KCTD16: variants seen among roughly 807,000 people sequenced by gnomAD.
KCTD16 encodes the protein BTB/POZ domain-containing protein KCTD16.
A neutral mutation model predicts 33.2 loss-of-function variants in KCTD16; 13 were observed. That is an observed-to-expected ratio of 0.39 (90% CI 0.25 to 0.62). The LOEUF is 0.62. Among genes scored for constraint, KCTD16 ranks in the 20% least tolerant of loss-of-function variants. The probability of loss-of-function intolerance (pLI) is 0.50; values close to 1 mark genes in which losing one functional copy is unlikely to be tolerated. For missense variants in KCTD16, 441 were observed against 525.1 expected (o/e 0.84, Z 1.57); for synonymous variants, 197 against 195.3 (o/e 1.01, Z -0.07).
intron 3 of KCTD16, among the ~76,000 whole-genome samples, chr5:144,403,006 C>A (rs1752736593): frequency 6.6e-6 from 1 of 152,166 alleles, no homozygotes; most frequent in Non-Finnish European, 1.5e-5. Context: ...GGGTTGCTGG[C>A]ATTTGTTGGT....
chr5:144,208,681 G>T (rs1446640744), intron 3 of KCTD16, among the ~76,000 whole-genome samples: 1 of 152,154 alleles, frequency 6.6e-6, no homozygotes, highest in African/African-American at 2.4e-5. Flanking sequence ...CCTTAGTTAT[G>T]TTTAATCATT....
rs1753175143 is a variant in KCTD16, at chr5:144,206,502, A to G, written c.-213A>G. 1 of 515,808 alleles carries G rather than the reference A, an allele frequency of 1.9e-6. No individual in the cohort carries two copies. The highest frequency in any genetic ancestry group is 3.4e-6 in the Non-Finnish European group (1 of 293,724). The allele number at this position is 515,808 out of a possible 1,614,324, so 32.0% of individuals were successfully genotyped here. A position where few individuals can be genotyped will look rare whatever the true frequency, so the allele number is the denominator to read the frequency against. ...AAGTAGCAGCTCACTACCATCCACC[A>G]TCCAGGGTTTAAACTACTTTTTCAG... On this transcript the variant is annotated 5_prime_UTR_variant, in exon 3 of 4. Transcript: ENST00000512467.
intron 3 of KCTD16, among the ~76,000 whole-genome samples, chr5:144,386,011 AT>A (rs1250122095): frequency 2.0e-5 from 3 of 152,108 alleles, no homozygotes; most frequent in African/African-American, 7.2e-5. Context: ...GATTTAAAAT[AT>A]TGTTCTTATG....
At chr5:144,391,726 A>C (rs1189380720) in intron 3 of KCTD16, among the ~76,000 whole-genome samples, 1 of 152,238 alleles carries the variant, frequency 6.6e-6, no homozygotes, top group East Asian at 1.9e-4. Flanking sequence ...AATGGATGAA[A>C]ATATTCTTTG....
chr5:144,242,143 A>T (rs754179008), intron 3 of KCTD16, among the ~76,000 whole-genome samples: 5 of 151,536 alleles, frequency 3.3e-5, no homozygotes, highest in Non-Finnish European at 7.4e-5. Flanking sequence ...TTTTAAGCTT[A>T]TTATTTTTAA....
In KCTD16 at chr5:144,483,164, A is replaced by G. The variant is rs955443249; in HGVS notation, c.*9050A>G. ...AAAAAAAAAAAAAAAACCAAACCAG[A>G]AAAAACCCAAAACACTACCAAATGA... On this transcript the variant is annotated 3_prime_UTR_variant, in exon 4 of 4. Transcript: ENST00000512467. 1.3e-5 allele frequency: 2 copies of G among 150,876 alleles called. No individual in the cohort carries two copies. The highest frequency in any genetic ancestry group is 4.8e-5 in the African/African-American group (2 of 41,238). The allele number at this position is 150,876 out of a possible 1,614,324, so 9.3% of individuals were successfully genotyped here. A position where few individuals can be genotyped will look rare whatever the true frequency, so the allele number is the denominator to read the frequency against.
intron 3 of KCTD16, among the ~76,000 whole-genome samples, chr5:144,420,653 A>T (rs551707566): frequency 6.6e-6 from 1 of 152,170 alleles, no homozygotes; most frequent in East Asian, 1.9e-4. Context: ...AACTGCTTTT[A>T]ATTTTCATTT....
chr5:144,367,068 C>G (rs966401711), intron 3 of KCTD16, among the ~76,000 whole-genome samples: 7 of 152,178 alleles, frequency 4.6e-5, no homozygotes, highest in South Asian at 2.1e-4. Flanking sequence ...ATCAGGAGCC[C>G]AATCACAGTT....
At chr5:144,417,880 C>G (rs1377005300) in intron 3 of KCTD16, among the ~76,000 whole-genome samples, 2 of 152,068 alleles carry the variant, frequency 1.3e-5, no homozygotes, top group East Asian at 1.9e-4. Flanking sequence ...CCTGTGGATT[C>G]CTGGTCTTGC....
intron 3 of KCTD16, among the ~76,000 whole-genome samples, chr5:144,386,367 T>A (rs963285099): frequency 1.3e-5 from 2 of 152,182 alleles, no homozygotes; most frequent in African/African-American, 4.8e-5. Flanking sequence ...TTCTTGAGAT[T>A]TCTAGGCATT....
intron 3 of KCTD16, among the ~76,000 whole-genome samples, chr5:144,213,533 A>G (rs1271580714): frequency 6.6e-6 from 1 of 151,712 alleles, no homozygotes. Context: ...GATCTCCGTG[A>G]TATTATGAAC....
At chr5:144,242,551 CTT>C (rs1209487705) in intron 3 of KCTD16, among the ~76,000 whole-genome samples, 1 of 152,040 alleles carries the variant, frequency 6.6e-6, no homozygotes, top group African/African-American at 2.4e-5. Flanking sequence ...ATGTTATTGT[CTT>C]AGTCCATTTT....
At chr5:144,326,295 G>A (rs974460103) in intron 3 of KCTD16, among the ~76,000 whole-genome samples, 1 of 152,156 alleles carries the variant, frequency 6.6e-6, no homozygotes, top group Admixed American at 6.6e-5. Context: ...AATTGACTGA[G>A]AGGGTAATAG....
At chr5:144,281,172 A>G (rs1431262844) in intron 3 of KCTD16, among the ~76,000 whole-genome samples, 2 of 152,190 alleles carry the variant, frequency 1.3e-5, no homozygotes, top group Non-Finnish European at 2.9e-5. Context: ...ACAGACCGAG[A>G]CTCCGTCTCA....
chr5:144,311,039 A>G (rs1751753530), intron 3 of KCTD16, among the ~76,000 whole-genome samples: 1 of 152,054 alleles, frequency 6.6e-6, no homozygotes, highest in Admixed American at 6.6e-5. Flanking sequence ...GACCTTTACC[A>G]CTCAAACCAA....
chr5:144,388,557 A>C (rs1341135014), intron 3 of KCTD16, among the ~76,000 whole-genome samples: 1 of 152,206 alleles, frequency 6.6e-6, no homozygotes. Flanking sequence ...GAATCAATCA[A>C]TACAGAAGCA....
chr5:144,211,714 A>G (rs1380859313), intron 3 of KCTD16, among the ~76,000 whole-genome samples: 4 of 152,142 alleles, frequency 2.6e-5, no homozygotes, highest in Non-Finnish European at 4.4e-5. Context: ...TAATAATTTC[A>G]ATTTTTATTA....
At chr5:144,218,653 T>C (rs1753637233) in intron 3 of KCTD16, among the ~76,000 whole-genome samples, 1 of 152,214 alleles carries the variant, frequency 6.6e-6, no homozygotes, top group Non-Finnish European at 1.5e-5. Flanking sequence ...TAATTGATTT[T>C]AAGAGTACTT....
At chr5:144,253,678 A>G (rs1754765015) in intron 3 of KCTD16, among the ~76,000 whole-genome samples, 1 of 152,240 alleles carries the variant, frequency 6.6e-6, no homozygotes, top group East Asian at 1.9e-4. Context: ...TATTTTTTTA[A>G]AGATGTTTTA....
Sources: allele counts gnomAD v4.1 joint callset (sites outside exome capture counted in the v4.1 genomes callset), GRCh38; gene constraint gnomAD v4.1.1; transcripts MANE v1.5; gene names NCBI Gene and HGNC (gene_info 2026-07-23, HGNC 2026-07-21).